Variants in AKAP6 observed in about 807,000 individuals in gnomAD.
The protein encoded by AKAP6 is A-kinase anchoring protein 6.
In AKAP6, 58 loss-of-function variants were observed where a neutral mutation model predicts 188.5. The observed-to-expected ratio is 0.31, with a 90% CI of 0.25 to 0.38. AKAP6 has a LOEUF of 0.38. AKAP6 is among the 10% of genes least tolerant of loss of function. The pLI is 1.00. For synonymous variants in AKAP6, 989 were observed against 998.6 expected (o/e 0.99, Z 0.18); for missense variants, 2,710 against 2,740.0 (o/e 0.99, Z 0.24).
At chr14:32,471,287 G>A (rs1878764799) in intron 2 of AKAP6, among the ~76,000 whole-genome samples, 1 of 152,132 alleles carries the variant, frequency 6.6e-6, no homozygotes, top group African/African-American at 2.4e-5. Context: ...AGTACCATGG[G>A]TTAGGCTTAT....
intron 1 of AKAP6, among the ~76,000 whole-genome samples, chr14:32,385,860 A>G (rs1364819711): frequency 2.0e-5 from 3 of 149,552 alleles, no homozygotes; most frequent in African/African-American, 7.3e-5. Context: ...TATATGATAT[A>G]TATCTTACAC....
chr14:32,348,628 G>A (rs1189192050), intron 1 of AKAP6, among the ~76,000 whole-genome samples: 1 of 151,944 alleles, frequency 6.6e-6, no homozygotes, highest in African/African-American at 2.4e-5. Flanking sequence ...GGTCAGGCTG[G>A]TCTTGAACTC....
At chr14:32,423,769 A>T (rs1173191394) in intron 1 of AKAP6, among the ~76,000 whole-genome samples, 1 of 152,128 alleles carries the variant, frequency 6.6e-6, no homozygotes, top group Non-Finnish European at 1.5e-5. Context: ...ACTAATATTT[A>T]TATATTACTC....
chr14:32,599,536 T>A, intron 6 of AKAP6, 30 bp downstream of exon 6: 1 of 1,556,720 alleles, frequency 6.4e-7, no homozygotes, highest in Non-Finnish European at 8.9e-7. Context: ...TGCAAGTCTT[T>A]ACGTCTCCAG....
chr14:32,809,649 A>G (rs1316546862), intron 12 of AKAP6, among the ~76,000 whole-genome samples: 1 of 152,164 alleles, frequency 6.6e-6, no homozygotes, highest in Non-Finnish European at 1.5e-5. Flanking sequence ...CACACAGCTC[A>G]TCTAGTGGCT....
intron 1 of AKAP6, among the ~76,000 whole-genome samples, chr14:32,395,551 A>G (rs1888853336): frequency 6.6e-6 from 1 of 152,232 alleles, no homozygotes; most frequent in Non-Finnish European, 1.5e-5. Context: ...TTTTCCAGTT[A>G]CATGAGTCAA....
chr14:32,401,833 G>A lies in AKAP6; in HGVS notation c.-34-31627G>A, dbSNP rs149943663. On this transcript the variant is annotated intron_variant, in intron 1 of 13. Transcript: ENST00000280979. ...ATTTTTGGTGGAAAGAATTGTAGCA[G>A]GAATCAAGCCTCATGATGCAAATGC... 5.3e-5 allele frequency among the ~76,000 whole-genome samples: 8 copies of A among 152,278 alleles called. No homozygotes were observed. In the East Asian group the frequency reaches 1.5e-3, roughly 29 times the overall value.
chr14:32,529,920 G>T, intron 2 of AKAP6, among the ~76,000 whole-genome samples: 1 of 142,340 alleles, frequency 7.0e-6, no homozygotes, highest in East Asian at 2.2e-4. Context: ...TTAGCTTTCT[G>T]TAATAAACAC....
chr14:32,377,362 T>G (rs1482961486), intron 1 of AKAP6, among the ~76,000 whole-genome samples: 6 of 152,252 alleles, frequency 3.9e-5, no homozygotes, highest in African/African-American at 1.4e-4. Flanking sequence ...TTGTCTCCTT[T>G]GAACTGTATA....
chr14:32,420,909 TTGTGTGTGTG>T (rs71432053), intron 1 of AKAP6, among the ~76,000 whole-genome samples: 2 of 146,408 alleles, frequency 1.4e-5, no homozygotes, highest in South Asian at 2.3e-4. Context: ...GGAGATTGAT[TTGTGTGTGTG>T]TGTGTGTGTG....
chr14:32,461,288 C>T (rs997733149), intron 2 of AKAP6, among the ~76,000 whole-genome samples: 3 of 152,200 alleles, frequency 2.0e-5, no homozygotes, highest in Non-Finnish European at 2.9e-5. Flanking sequence ...TGGGGAGACA[C>T]CTCCCAACAG....
chr14:32,664,213 A>G (rs1427540725), intron 7 of AKAP6, among the ~76,000 whole-genome samples: 1 of 152,146 alleles, frequency 6.6e-6, no homozygotes, highest in Non-Finnish European at 1.5e-5. Context: ...GCAAAGAGGT[A>G]GTGAGAATTT....
At chr14:32,584,407 A>AT (rs1415363834) in intron 5 of AKAP6, among the ~76,000 whole-genome samples, 1 of 152,180 alleles carries the variant, frequency 6.6e-6, no homozygotes, top group African/African-American at 2.4e-5. Flanking sequence ...AAACTTATGA[A>AT]TTTTTTATGT....
At chr14:32,450,742 A>G (rs1890912081) in intron 2 of AKAP6, among the ~76,000 whole-genome samples, 1 of 151,520 alleles carries the variant, frequency 6.6e-6, no homozygotes, top group Admixed American at 6.6e-5. Context: ...CCTTGCTTCA[A>G]TATCTTTTCT....
intron 2 of AKAP6, among the ~76,000 whole-genome samples, chr14:32,483,844 T>C (rs1193306874): frequency 2.6e-5 from 4 of 151,968 alleles, no homozygotes; most frequent in East Asian, 1.9e-4. Context: ...GTTTGTTACA[T>C]AGTATACATG....
At chr14:32,340,405 A>C (rs1886853414) in intron 1 of AKAP6, among the ~76,000 whole-genome samples, 1 of 152,188 alleles carries the variant, frequency 6.6e-6, no homozygotes, top group African/African-American at 2.4e-5. Context: ...GACTGGGAGT[A>C]AGGCACCTGA....
At chr14:32,477,498 T>G (rs938039455) in intron 2 of AKAP6, among the ~76,000 whole-genome samples, 2 of 152,086 alleles carry the variant, frequency 1.3e-5, no homozygotes, top group African/African-American at 4.8e-5. Flanking sequence ...GGGTTCGCAG[T>G]TCTCCCAAGC....
intron 7 of AKAP6, among the ~76,000 whole-genome samples, chr14:32,605,437 C>G (rs575001140): frequency 1.7e-4 from 26 of 152,204 alleles, no homozygotes; most frequent in African/African-American, 6.3e-4. Flanking sequence ...GTAGGCCAGC[C>G]TGCCACAGAC....
intron 3 of AKAP6, among the ~76,000 whole-genome samples, chr14:32,541,095 C>T (rs934935208): frequency 1.3e-5 from 2 of 151,928 alleles, no homozygotes; most frequent in Admixed American, 6.6e-5. Flanking sequence ...ATAGTTATTA[C>T]CCCACAAGTG....
Sources: gnomAD v4.1 joint callset for allele counts (sites outside exome capture counted in the v4.1 genomes callset) on GRCh38, gnomAD v4.1.1 for gene constraint, MANE v1.5 for transcripts, NCBI Gene and HGNC (gene_info 2026-07-23, HGNC 2026-07-21) for gene names.